DEK: variants seen among roughly 807,000 people sequenced by gnomAD.
The protein encoded by DEK is protein DEK.
Under a neutral mutation model 46.8 loss-of-function variants are expected in DEK, and 28 were observed. That is an observed-to-expected ratio of 0.60 (90% CI 0.44 to 0.82). DEK has a LOEUF of 0.82. DEK is among the 40% of genes least tolerant of loss of function. The pLI is 0.00. For missense variants in DEK, 416 were observed against 430.6 expected, an observed-to-expected ratio of 0.97 and a Z score of 0.30; for synonymous variants, 160 against 144.5, an observed-to-expected ratio of 1.11 and a Z score of -0.77.
At chr6:18,244,360 A>G in intron 7 of DEK, 1 of 347,458 alleles carries the variant, frequency 2.9e-6, no homozygotes, top group Middle Eastern at 5.1e-4. Flanking sequence ...CTATAACCTA[A>G]ATTTTTAAAG....
chr6:18,233,281 A>T (rs1424235595), intron 9 of DEK, among the ~76,000 whole-genome samples: 2 of 152,216 alleles, frequency 1.3e-5, no homozygotes, highest in Non-Finnish European at 2.9e-5. Context: ...CATTCAGGAC[A>T]TAGGCATGGG....
intron 7 of DEK, among the ~76,000 whole-genome samples, chr6:18,245,721 C>CATGACCAAATGTGGTTT (rs1376810550): frequency 6.6e-6 from 1 of 152,214 alleles, no homozygotes; most frequent in Admixed American, 6.5e-5. Flanking sequence ...CTGTGAATAG[C>CATGACCAAATGTGGTTT]ATGACCAAAT....
chr6:18,243,671 C>T (rs977789519), intron 7 of DEK, among the ~76,000 whole-genome samples: 4 of 152,204 alleles, frequency 2.6e-5, no homozygotes, highest in African/African-American at 9.7e-5. Context: ...TGAAGATTTT[C>T]CTTCTTTAGA....
chr6:18,247,601 C>T (rs1483627757), intron 7 of DEK, among the ~76,000 whole-genome samples: 2 of 151,962 alleles, frequency 1.3e-5, no homozygotes, highest in African/African-American at 4.8e-5. Context: ...CTGCATACAC[C>T]AAGTTCAACT....
intron 6 of DEK, among the ~76,000 whole-genome samples, chr6:18,255,058 TA>T (rs1435087642): frequency 6.6e-6 from 1 of 152,120 alleles, no homozygotes; most frequent in East Asian, 1.9e-4. Flanking sequence ...GGGAAGAATA[TA>T]AAAACATTTG....
chr6:18,237,305 C>A (rs1561978191), intron 8 of DEK, 76 bp downstream of exon 8: 1 of 1,477,166 alleles, frequency 6.8e-7, no homozygotes, highest in South Asian at 1.4e-5. Context: ...TTCTCCCACA[C>A]ACTTAAATAC....
chr6:18,262,607 A>G (rs542089092), intron 2 of DEK, among the ~76,000 whole-genome samples: 13 of 152,270 alleles, frequency 8.5e-5, no homozygotes, highest in Admixed American at 5.9e-4. Context: ...TGACTTCTCT[A>G]ATTTTTTCCT....
intron 9 of DEK, among the ~76,000 whole-genome samples, 172 bp from the exon 10 acceptor site, chr6:18,226,414 G>A (rs989532822): frequency 6.6e-6 from 1 of 152,184 alleles, no homozygotes; most frequent in African/African-American, 2.4e-5. Context: ...TAATAATATT[G>A]TATATGATGT....
chr6:18,229,339 G>C (rs547825747), intron 9 of DEK, among the ~76,000 whole-genome samples: 1 of 152,182 alleles, frequency 6.6e-6, no homozygotes, highest in Non-Finnish European at 1.5e-5. Context: ...CTCCTCCAAA[G>C]GAACACAGCT....
chr6:18,231,435 G>GT (rs1161531844), intron 9 of DEK, among the ~76,000 whole-genome samples: 5 of 152,224 alleles, frequency 3.3e-5, no homozygotes, highest in African/African-American at 1.2e-4. Flanking sequence ...CCAGGAGCTG[G>GT]TTTTTTGAAA....
intron 9 of DEK, among the ~76,000 whole-genome samples, chr6:18,235,940 C>T (rs1790629345): frequency 6.6e-6 from 1 of 152,202 alleles, no homozygotes; most frequent in Non-Finnish European, 1.5e-5. Flanking sequence ...TTTACCCCAA[C>T]AGACAAGTTT....
At chr6:18,237,542 A>G (rs1476377670) in intron 7 of DEK, 26 bp from the exon 8 acceptor site, 8 of 1,591,430 alleles carry the variant, frequency 5.0e-6, no homozygotes, top group Non-Finnish European at 6.0e-6. Flanking sequence ...GTAAAAGTAC[A>G]CATATTGATG....
At chr6:18,230,432 A>G (rs1182470216) in intron 9 of DEK, among the ~76,000 whole-genome samples, 6 of 152,300 alleles carry the variant, frequency 3.9e-5, no homozygotes, top group Non-Finnish European at 5.9e-5. Context: ...ACACAGACTG[A>G]CAAACTGGAT....
At chr6:18,236,849 C>T (rs149012491) in intron 8 of DEK, among the ~76,000 whole-genome samples, 479 of 152,210 alleles carry the variant, frequency 3.1e-3, no homozygotes, top group Non-Finnish European at 5.6e-3. Flanking sequence ...CTGAAATGTT[C>T]CAAAATCCAG....
Position 18,225,659 on chromosome 6 carries a change from T to C in DEK, c.*60A>G, listed in dbSNP as rs1758633999. The C allele has an allele frequency of 9.5e-6, 15 of 1,573,554 alleles. No individual in the cohort carries two copies. Among genetic ancestry groups the C allele is most frequent in the Admixed American group, 1.7e-5 (1 of 57,238 alleles). Reference sequence around the variant, plus strand: ...AGGAAATACATTCTCTTTGCTGGTATAATGGTATAAATCAGATCTTCAAAT... The same window carrying C: ...AGGAAATACATTCTCTTTGCTGGTACAATGGTATAAATCAGATCTTCAAAT... On this transcript the variant is annotated 3_prime_UTR_variant, in exon 11 of 11. Coordinates refer to ENST00000652689, the MANE Select transcript of DEK (RefSeq NM_003472.4).
chr6:18,235,485 C>T (rs754889117), intron 9 of DEK, among the ~76,000 whole-genome samples: 1 of 152,180 alleles, frequency 6.6e-6, no homozygotes, highest in African/African-American at 2.4e-5. Context: ...TTCCCCCAGC[C>T]TCAAGTAGGG....
At chr6:18,257,905 C>A in intron 4 of DEK, 48 bp downstream of exon 4, 1 of 1,345,178 alleles carries the variant, frequency 7.4e-7, no homozygotes, top group African/African-American at 1.5e-5. Context: ...AAATTGATTC[C>A]ATTGTGAAGT....
At chr6:18,248,100 C>T (rs992093067) in intron 7 of DEK, among the ~76,000 whole-genome samples, 1 of 152,182 alleles carries the variant, frequency 6.6e-6, no homozygotes, top group African/African-American at 2.4e-5. Flanking sequence ...ATGCACCAGG[C>T]ACCGCTCTAA....
chr6:18,225,588 G>C lies in DEK; in HGVS notation c.*131C>G. The C allele has an allele frequency of 1.1e-6, 1 of 927,990 alleles. No homozygotes were observed. The highest frequency in any genetic ancestry group is 1.6e-6 in the Non-Finnish European group (1 of 635,598). The allele number at this position is 927,990 out of a possible 1,614,324, so 57.5% of individuals were successfully genotyped here. Reference sequence around the variant, plus strand: ...ATTCACATAACACTCAAGATAAAAAGGTCAGCAGTAAGTTCTACTAACGTT... The same window carrying C: ...ATTCACATAACACTCAAGATAAAAACGTCAGCAGTAAGTTCTACTAACGTT... On this transcript the variant is annotated 3_prime_UTR_variant, in exon 11 of 11. Coordinates refer to ENST00000652689, the MANE Select transcript of DEK (RefSeq NM_003472.4).
Sources: gnomAD v4.1 joint callset for allele counts (sites outside exome capture counted in the v4.1 genomes callset) on GRCh38, gnomAD v4.1.1 for gene constraint, MANE v1.5 for transcripts, NCBI Gene and HGNC (gene_info 2026-07-23, HGNC 2026-07-21) for gene names.